Variants in USP54 observed in about 807,000 individuals in gnomAD.
USP54 encodes ubiquitin specific peptidase 54.
In USP54, 87 loss-of-function variants were observed where a neutral mutation model predicts 170.5. That is an observed-to-expected ratio of 0.51 (90% CI 0.43 to 0.61). The LOEUF (loss-of-function observed/expected upper bound fraction) is 0.61, where lower values mean the gene tolerates loss of function less well. Ranked by LOEUF, USP54 falls within the 20% of genes least tolerant of loss-of-function variation. USP54 has a pLI of 0.00. For missense variants in USP54, 1,786 were observed against 2,047.8 expected (o/e 0.87, Z 2.47); for synonymous variants, 655 against 742.8 (o/e 0.88, Z 1.92).
intron 20 of USP54, among the ~76,000 whole-genome samples, chr10:73,512,664 G>A (rs1263127928): frequency 6.6e-6 from 1 of 152,036 alleles, no homozygotes; most frequent in African/African-American, 2.4e-5. Flanking sequence ...GGGGTTACAG[G>A]CATGAGTCAT....
At chr10:73,603,582 C>A (rs1233720588) in intron 1 of USP54, among the ~76,000 whole-genome samples, 3 of 151,912 alleles carry the variant, frequency 2.0e-5, no homozygotes, top group African/African-American at 7.3e-5. Context: ...CCTGTCTCTA[C>A]TAAAAATGCA....
At chr10:73,586,817 C>T (rs2077538191) in intron 1 of USP54, among the ~76,000 whole-genome samples, 1 of 152,218 alleles carries the variant, frequency 6.6e-6, no homozygotes, top group Non-Finnish European at 1.5e-5. Context: ...TTATCTTAAA[C>T]TCTCCAGCGA....
intron 1 of USP54, among the ~76,000 whole-genome samples, chr10:73,579,895 G>A (rs1489145192): frequency 6.6e-6 from 1 of 152,060 alleles, no homozygotes; most frequent in African/African-American, 2.4e-5. Context: ...TAGCCATGAG[G>A]GAAATGGAAA....
At chr10:73,600,511 ACT>A in intron 1 of USP54, among the ~76,000 whole-genome samples, 1 of 152,308 alleles carries the variant, frequency 6.6e-6, no homozygotes, top group East Asian at 1.9e-4. Flanking sequence ...ATTTATTTTA[ACT>A]CTGTATAAAT....
intron 7 of USP54, among the ~76,000 whole-genome samples, chr10:73,542,323 C>T (rs1015773603): frequency 1.4e-4 from 22 of 152,156 alleles, no homozygotes; most frequent in African/African-American, 5.1e-4. Context: ...TGGTCTCGAA[C>T]TCTTAGCCTC....
chr10:73,523,797 C>A, intron 16 of USP54, 47 bp from the exon 17 acceptor site: 2 of 1,535,712 alleles, frequency 1.3e-6, no homozygotes, highest in Non-Finnish European at 1.8e-6. Flanking sequence ...ATTACCAAGA[C>A]TAAGTACTTG....
At chr10:73,599,078 CA>C (rs893210002) in intron 1 of USP54, among the ~76,000 whole-genome samples, 1 of 151,794 alleles carries the variant, frequency 6.6e-6, no homozygotes, top group African/African-American at 2.4e-5. Context: ...GACTCCGTCT[CA>C]AAAAAAATAA....
Position 73,517,209 on chromosome 10 carries a change from G to A in USP54, c.3217C>T (p.His1073Tyr). Reference protein sequence around the residue: ...QPSLPLYRTCHPIMPVASSFV... With the variant: ...QPSLPLYRTCYPIMPVASSFV... ...GAAGAAGCAACAGGCATTATGGGGT[G>A]GCAGGTTCTATACAGGGGAAGGCTG... Residue 1073 changes from histidine to tyrosine, a missense_variant, in exon 20 of 24, where the codon CAC becomes TAC. Coordinates refer to ENST00000687698, the MANE Select transcript of USP54 (RefSeq NM_001391956.1). 1 of 1,614,190 alleles carries A rather than the reference G, an allele frequency of 6.2e-7. No homozygotes were observed. Among genetic ancestry groups the A allele is most frequent in the South Asian group, 1.1e-5 (1 of 91,088 alleles).
At position 73,498,837 on chromosome 10, in the gene USP54, G is replaced by C. The variant is rs758936500; in HGVS notation, c.4847C>G (p.Ser1616Ter). Residue 1616 changes from serine (S) to a stop codon, truncating the protein, a stop_gained, in exon 24 of 24, where the codon TCA becomes TGA. Transcript: ENST00000687698. LOFTEE classifies it high-confidence loss of function. Reference protein sequence around the residue: ...PSSSLHVPLRSAWNSDPVPGS... With the variant: ...PSSSLHVPLR ...TGGAACAGGATCTGAATTCCAAGCT[G>C]ACCTCAGGGGTACATGAAGACTGCT... 1.9e-6 allele frequency: 3 copies of C among 1,600,564 alleles called. No homozygotes were observed. The South Asian group carries it at 3.3e-5, about 18-fold the overall frequency.
intron 9 of USP54, among the ~76,000 whole-genome samples, chr10:73,541,026 AT>A (rs2066502213): frequency 6.6e-6 from 1 of 152,158 alleles, no homozygotes; most frequent in Non-Finnish European, 1.5e-5. Flanking sequence ...ACTACCTCCC[AT>A]GGTTGAACAC....
chr10:73,565,558 GTCAC>G (rs1229532108), intron 4 of USP54, among the ~76,000 whole-genome samples: 1 of 152,014 alleles, frequency 6.6e-6, no homozygotes, highest in Non-Finnish European at 1.5e-5. Context: ...CTACTCTGAG[GTCAC>G]TCACTCTGTT....
chr10:73,545,473 A>G (rs926304264), intron 5 of USP54, 65 bp downstream of exon 5: 1 of 1,582,308 alleles, frequency 6.3e-7, no homozygotes, highest in Non-Finnish European at 8.6e-7. Flanking sequence ...TAAAGTAGCC[A>G]GTCCCTGATG....
At chr10:73,515,475 T>C (rs1177266339) in intron 20 of USP54, among the ~76,000 whole-genome samples, 6 of 152,330 alleles carry the variant, frequency 3.9e-5, no homozygotes, top group South Asian at 2.1e-4. Context: ...TGATGTGCAC[T>C]TCAGGTGCAG....
chr10:73,524,582 AAATAAT>A (rs750080985), intron 16 of USP54, among the ~76,000 whole-genome samples: 11 of 152,032 alleles, frequency 7.2e-5, no homozygotes, highest in Admixed American at 6.6e-5. Flanking sequence ...CTTCGTCTCA[AAATAAT>A]AATAATAATA....
chr10:73,606,811 G>A lies in USP54; in HGVS notation c.-18+18756C>T, dbSNP rs992591859. Among the ~76,000 whole-genome samples the A allele has an allele frequency of 2.0e-5, 3 of 150,848 alleles. No individual in the cohort carries two copies. The South Asian group carries it at 6.3e-4, about 32-fold the overall frequency. On this transcript the variant is annotated intron_variant, in intron 1 of 22. Transcript: ENST00000339859. ...GGAGAATGGTGTGAACCTGGGAGGT[G>A]GAGGTTGCAGTGAGCCAAGATCGTG...
At chr10:73,505,869 CA>C (rs766983920) in intron 20 of USP54, 34 of 142,960 alleles carry the variant, frequency 2.4e-4, no homozygotes, top group Non-Finnish European at 2.5e-4. Flanking sequence ...GACTCCGTCT[CA>C]AAAAAAAAAA....
chr10:73,538,960 A>G (rs1311748913), intron 10 of USP54, among the ~76,000 whole-genome samples: 1 of 152,168 alleles, frequency 6.6e-6, no homozygotes, highest in East Asian at 1.9e-4. Context: ...TGATACCTTC[A>G]TGAATTCAGT....
intron 20 of USP54, among the ~76,000 whole-genome samples, chr10:73,508,403 GA>G (rs1243094191): frequency 0.089 from 6,664 of 74,888 alleles, 419 homozygotes; most frequent in African/African-American, 0.24. Context: ...TGAGAATCCA[GA>G]AAAAAAAAAA....
chr10:73,605,222 G>A (rs2079526827), intron 1 of USP54, among the ~76,000 whole-genome samples: 1 of 152,112 alleles, frequency 6.6e-6, no homozygotes, highest in Admixed American at 6.6e-5. Flanking sequence ...CCGCCACCAT[G>A]CCTGGCTAAT....
Sources: allele counts gnomAD v4.1 joint callset (sites outside exome capture counted in the v4.1 genomes callset), GRCh38; gene constraint gnomAD v4.1.1; transcripts MANE v1.5; gene names NCBI Gene and HGNC (gene_info 2026-07-23, HGNC 2026-07-21).